FBN2: variants seen among roughly 807,000 people sequenced by gnomAD.
FBN2 encodes the protein fibrillin 2.
A neutral mutation model predicts 355.6 loss-of-function variants in FBN2; 105 were observed. That is an observed-to-expected ratio of 0.30 (90% confidence interval 0.25 to 0.35). FBN2 has a LOEUF of 0.35. FBN2 is among the 10% of genes least tolerant of loss of function. The probability of loss-of-function intolerance (pLI) is 1.00; values close to 1 mark genes in which losing one functional copy is unlikely to be tolerated. For synonymous variants in FBN2, 1,350 were observed against 1,301.2 expected (o/e 1.04, Z -0.81); for missense variants, 3,280 against 3,758.7 (o/e 0.87, Z 3.33).
chr5:128,488,695 C>A (rs1171437743), intron 5 of FBN2, among the ~76,000 whole-genome samples: 1 of 147,468 alleles, frequency 6.8e-6, no homozygotes, highest in African/African-American at 2.5e-5. Context: ...TGTTCCCCTT[C>A]CTGTGTCAGT....
At chr5:128,466,840 T>C (rs1754726639) in intron 5 of FBN2, among the ~76,000 whole-genome samples, 2 of 152,194 alleles carry the variant, frequency 1.3e-5, no homozygotes, top group South Asian at 4.1e-4. Context: ...ACACTTCCTA[T>C]ACTGCAAATT....
rs1402071217 is a variant in FBN2, at chr5:128,259,581, T to A, written c.8613A>T (p.Glu2871Asp). The A allele has an allele frequency of 6.2e-7, 1 of 1,614,092 alleles. No homozygotes were observed. The highest frequency in any genetic ancestry group is 1.3e-5 in the African/African-American group (1 of 75,034). ...TCTTGTAGAGAGGGATGCTAGTGAT[T>A]TCCAGTGTGTATGTGCCGGGCATGA... is the stretch of plus-strand genomic sequence containing the variant. ...KKLMPGTYTL[E>D]ITSIPLYKKK... is the part of the protein sequence containing the mutation. Residue 2871 changes from glutamate (E) to aspartate (D), a missense_variant, in exon 65 of 65, where the codon GAA (glutamate) becomes GAT (aspartate). By Grantham distance (45) the Glu-to-Asp change is conservative. Coordinates refer to ENST00000262464, the MANE Select transcript of FBN2 (RefSeq NM_001999.4).
At position 128,537,337 on chromosome 5, in the gene FBN2, C is replaced by T. The variant is rs1341505744; in HGVS notation, c.254+13G>A. ...AGCCGGAGCCCTAGGTGCGGAGCCG[C>T]TTGCCCACTTACCCTCGGAGCACGT... On this transcript the variant is annotated intron_variant, in intron 1 of 64. Transcript: ENST00000262464. 6.2e-7 allele frequency: 1 copy of T among 1,609,510 alleles called. No homozygotes were observed. Among genetic ancestry groups the T allele is most frequent in the African/African-American group, 1.3e-5 (1 of 74,912 alleles).
chr5:128,423,821 G>C (rs1753416818), intron 7 of FBN2, among the ~76,000 whole-genome samples: 1 of 152,114 alleles, frequency 6.6e-6, no homozygotes, highest in African/African-American at 2.4e-5. Context: ...GGAACATGTA[G>C]GAGATAGGAG....
At chr5:128,488,052 A>G (rs1234764161) in intron 5 of FBN2, among the ~76,000 whole-genome samples, 2 of 152,194 alleles carry the variant, frequency 1.3e-5, no homozygotes, top group African/African-American at 4.8e-5. Context: ...TAAAGAACAC[A>G]TATACTAAGC....
At chr5:128,414,350 T>C (rs895154758) in intron 7 of FBN2, among the ~76,000 whole-genome samples, 3 of 152,184 alleles carry the variant, frequency 2.0e-5, no homozygotes, top group African/African-American at 4.8e-5. Flanking sequence ...TTGTTTATTC[T>C]GGACATTTCA....
chr5:128,484,169 C>A (rs1561479523), intron 5 of FBN2, among the ~76,000 whole-genome samples: 1 of 152,178 alleles, frequency 6.6e-6, no homozygotes, highest in African/African-American at 2.4e-5. Flanking sequence ...TCATTCATAT[C>A]TCTCTCAGTA....
chr5:128,345,340 T>C lies in FBN2; in HGVS notation c.3217+17A>G. 2.5e-6 allele frequency: 4 copies of C among 1,605,174 alleles called. No homozygotes were observed. Among genetic ancestry groups the C allele is most frequent in the Non-Finnish European group, 3.4e-6 (4 of 1,171,828 alleles). On this transcript the variant is annotated intron_variant, in intron 24 of 64. Coordinates refer to ENST00000262464, the MANE Select transcript of FBN2 (RefSeq NM_001999.4). ...TGTTGGTGAAGAAGGACCAAGGCGC[T>C]GGCCGCAGGCAGTTACCTTTGTAAA... is the stretch of plus-strand genomic sequence containing the variant.
intron 60 of FBN2, 48 bp from the exon 61 acceptor site, chr5:128,274,016 T>TGTTTTAAG: frequency 6.2e-7 from 1 of 1,609,372 alleles, no homozygotes; most frequent in Non-Finnish European, 8.5e-7. Flanking sequence ...AATCATAACA[T>TGTTTTAAG]GTCTTACGTT....
At chr5:128,460,815 T>A (rs1007933964) in intron 6 of FBN2, among the ~76,000 whole-genome samples, 1 of 152,000 alleles carries the variant, frequency 6.6e-6, no homozygotes, top group Non-Finnish European at 1.5e-5. Flanking sequence ...ATGCAGAAAA[T>A]TGAAACTGGA....
At chr5:128,535,938 T>C (rs1165349697) in intron 2 of FBN2, among the ~76,000 whole-genome samples, 1 of 152,160 alleles carries the variant, frequency 6.6e-6, no homozygotes, top group Non-Finnish European at 1.5e-5. Context: ...TGGTTGTTGA[T>C]ATAAAACCAG....
intron 6 of FBN2, among the ~76,000 whole-genome samples, chr5:128,454,601 G>C: frequency 6.6e-6 from 1 of 152,168 alleles, no homozygotes; most frequent in Non-Finnish European, 1.5e-5. Context: ...CAACAATTGA[G>C]GAGCTAGCAA....
chr5:128,451,709 A>AT, intron 6 of FBN2, among the ~76,000 whole-genome samples: 1 of 152,294 alleles, frequency 6.6e-6, no homozygotes, highest in South Asian at 2.1e-4. Flanking sequence ...CTTAAACCTC[A>AT]TTTTTAAATG....
intron 16 of FBN2, among the ~76,000 whole-genome samples, 191 bp from the exon 17 acceptor site, chr5:128,366,621 A>C (rs1751774432): frequency 6.6e-6 from 1 of 152,120 alleles, no homozygotes; most frequent in Admixed American, 6.6e-5. Flanking sequence ...ATAAAAGAGT[A>C]AAAATCACTT....
chr5:128,305,786 A>T (rs751660052), intron 43 of FBN2, 37 bp downstream of exon 43: 1 of 1,611,920 alleles, frequency 6.2e-7, no homozygotes, highest in East Asian at 2.2e-5. Context: ...TGTATACCAA[A>T]TTATACTGGA....
rs1765323869 is a variant in FBN2 at position 128,273,920 on chromosome 5, A to C, written c.7760T>G (p.Ile2587Ser). ...SQPSLCGAKG[I>S]CQNTPGSFSC... ...GAAACTGCCTGGAGTGTTTTGACAG[A>C]TTCCCTTTGCTCCACAAAGCGAAGG... The change falls in exon 61 of 65, where the codon ATC becomes AGC. Residue 2587 changes from isoleucine to serine, a missense_variant. Physicochemically the swap from Ile to Ser is moderately radical, Grantham distance 142. Coordinates refer to ENST00000262464, the MANE Select transcript of FBN2 (RefSeq NM_001999.4). The C allele has an allele frequency of 6.2e-7, 1 of 1,613,766 alleles. No homozygotes were observed. Among genetic ancestry groups the C allele is most frequent in the South Asian group, 1.1e-5 (1 of 91,078 alleles).
chr5:128,466,337 A>G (rs1754709521), intron 5 of FBN2, among the ~76,000 whole-genome samples: 1 of 152,244 alleles, frequency 6.6e-6, no homozygotes, highest in Non-Finnish European at 1.5e-5. Context: ...AAATGATATT[A>G]TTCTACTCCA....
intron 11 of FBN2, among the ~76,000 whole-genome samples, chr5:128,389,519 G>T (rs1451032659): frequency 1.3e-5 from 2 of 152,184 alleles, no homozygotes; most frequent in African/African-American, 2.4e-5. Context: ...CTTGTCCCAT[G>T]GGCAAGACTG....
At chr5:128,503,886 C>T (rs773942615) in intron 5 of FBN2, among the ~76,000 whole-genome samples, 7 of 152,170 alleles carry the variant, frequency 4.6e-5, no homozygotes, top group Non-Finnish European at 1.0e-4. Flanking sequence ...GCAGCCCCTT[C>T]CATCACAGGC....
Sources: allele counts gnomAD v4.1 joint callset (sites outside exome capture counted in the v4.1 genomes callset), GRCh38; gene constraint gnomAD v4.1.1; transcripts MANE v1.5; gene names NCBI Gene and HGNC (gene_info 2026-07-23, HGNC 2026-07-21).